The following KCND3 variants were observed in gnomAD, a reference collection of about 807,000 sequenced individuals.
KCND3 encodes the protein A-type voltage-gated potassium channel KCND3.
Under a neutral mutation model 51.1 loss-of-function variants are expected in KCND3, and 9 were observed. The observed-to-expected ratio is 0.18, with a 90% CI of 0.11 to 0.31. The LOEUF (loss-of-function observed/expected upper bound fraction) is 0.31, where lower values mean the gene tolerates loss of function less well. KCND3 is among the 10% of genes least tolerant of loss of function. The pLI, the probability that KCND3 is intolerant of heterozygous loss-of-function variation, is 1.00. For missense variants in KCND3, 526 were observed against 903.8 expected (o/e 0.58, Z 5.36); for synonymous variants, 349 against 368.0 (o/e 0.95, Z 0.59).
intron 2 of KCND3, among the ~76,000 whole-genome samples, chr1:111,793,815 G>A (rs930520087): frequency 6.6e-6 from 1 of 151,986 alleles, no homozygotes; most frequent in East Asian, 1.9e-4. Context: ...AAAAGAAAAA[G>A]CAGAAACAGT....
intron 2 of KCND3, among the ~76,000 whole-genome samples, chr1:111,975,509 C>T (rs1278215022): frequency 6.6e-6 from 1 of 152,170 alleles, no homozygotes; most frequent in East Asian, 1.9e-4. Context: ...TCCACTGCCA[C>T]CACCCTCAGT....
rs1557768261 is a variant in KCND3, at chr1:111,982,294, C to T, written c.433G>A (p.Glu145Lys). 2 of 1,614,118 alleles carry T rather than the reference C, an allele frequency of 1.2e-6. No homozygotes were observed. Among genetic ancestry groups the T allele is most frequent in the South Asian group, 1.1e-5 (1 of 91,072 alleles). ...GAGTCGTTGTCGTCCATGAGCCGCT[C>T]GGCGTTCTCCCTCTTGCGGTCCTTG... The part of the protein sequence containing the change: ...EYKDRKRENA[E>K]RLMDDNDSEN... Residue 145 changes from glutamate (E) to lysine (K), a missense_variant, in exon 2 of 8, where the codon GAG (glutamate) becomes AAG (lysine). Physicochemically the swap from Glu to Lys is moderately conservative, Grantham distance 56. Coordinates refer to ENST00000302127, the MANE Select transcript of KCND3 (RefSeq NM_001378969.1). This position sits in a 1 kb window ranked among gnomAD's most constrained non-coding sequence, Gnocchi z 8.5.
intron 2 of KCND3, among the ~76,000 whole-genome samples, chr1:111,833,204 G>T (rs1194269972): frequency 1.3e-5 from 2 of 152,236 alleles, no homozygotes; most frequent in Non-Finnish European, 2.9e-5. Context: ...GCTCTGCAGA[G>T]GTGTCAAGCA....
chr1:111,896,509 G>T (rs57060111), intron 2 of KCND3, among the ~76,000 whole-genome samples: 4 of 152,192 alleles, frequency 2.6e-5, no homozygotes, highest in African/African-American at 7.2e-5. Flanking sequence ...CAGAAACTAC[G>T]CAGTGCCATC....
At chr1:111,882,041 G>A (rs1228194968) in intron 2 of KCND3, among the ~76,000 whole-genome samples, 2 of 152,170 alleles carry the variant, frequency 1.3e-5, no homozygotes, top group Non-Finnish European at 2.9e-5. Context: ...CCCAGCAGCT[G>A]TAGAGGGAGG....
intron 2 of KCND3, among the ~76,000 whole-genome samples, chr1:111,829,697 C>G (rs1666747869): frequency 6.6e-6 from 1 of 152,270 alleles, no homozygotes; most frequent in Non-Finnish European, 1.5e-5. Context: ...GCCCTCCATT[C>G]TGAAGGTCAG....
intron 2 of KCND3, among the ~76,000 whole-genome samples, chr1:111,906,507 C>G (rs1670655002): frequency 6.6e-6 from 1 of 152,166 alleles, no homozygotes; most frequent in Non-Finnish European, 1.5e-5. Context: ...TATGTGACAC[C>G]TAGAATCACT....
intron 2 of KCND3, among the ~76,000 whole-genome samples, chr1:111,832,395 A>C (rs1382046918): frequency 6.6e-6 from 1 of 152,208 alleles, no homozygotes. Flanking sequence ...AAGTTCCAGA[A>C]AGGTTTCCAG....
chr1:111,879,206 A>C (rs1442315042), intron 2 of KCND3, among the ~76,000 whole-genome samples: 1 of 152,126 alleles, frequency 6.6e-6, no homozygotes. Flanking sequence ...ACTCTGAATA[A>C]TAACTCTCTT....
chr1:111,857,292 G>C (rs1268801053), intron 2 of KCND3, among the ~76,000 whole-genome samples: 1 of 152,204 alleles, frequency 6.6e-6, no homozygotes, highest in Non-Finnish European at 1.5e-5. Flanking sequence ...TGGGCGTGGG[G>C]TCACAGCGCG....
At chr1:111,888,681 CAAAA>C (rs34732548) in intron 2 of KCND3, among the ~76,000 whole-genome samples, 16 of 103,578 alleles carry the variant, frequency 1.5e-4, no homozygotes, top group East Asian at 2.7e-4. Context: ...CACTCCATCT[CAAAA>C]AAAAAAAAAA....
intron 3 of KCND3, among the ~76,000 whole-genome samples, chr1:111,783,902 G>T (rs1664495803): frequency 6.6e-6 from 1 of 152,036 alleles, no homozygotes; most frequent in Non-Finnish European, 1.5e-5. Context: ...ATACCCAAAG[G>T]TTACCTATTG....
chr1:111,936,053 G>A (rs1194211262), intron 2 of KCND3, among the ~76,000 whole-genome samples: 2 of 152,208 alleles, frequency 1.3e-5, no homozygotes, highest in Non-Finnish European at 2.9e-5. Flanking sequence ...GATAAATTGT[G>A]CTTTTTGTAG....
At chr1:111,817,407 AT>A (rs1318750007) in intron 2 of KCND3, among the ~76,000 whole-genome samples, 1 of 152,208 alleles carries the variant, frequency 6.6e-6, no homozygotes, top group Non-Finnish European at 1.5e-5. Flanking sequence ...TGGCCCAATA[AT>A]TTCACCTGAG....
intron 2 of KCND3, among the ~76,000 whole-genome samples, chr1:111,889,762 GGT>G (rs1025932013): frequency 6.6e-6 from 1 of 152,152 alleles, no homozygotes; most frequent in African/African-American, 2.4e-5. Flanking sequence ...GACAAAATGG[GGT>G]AGGGGAACAA....
At chr1:111,792,564 G>A (rs1340825116) in intron 2 of KCND3, among the ~76,000 whole-genome samples, 2 of 152,158 alleles carry the variant, frequency 1.3e-5, no homozygotes, top group Non-Finnish European at 2.9e-5. Flanking sequence ...GTGGTTAAAA[G>A]CGTGGTCTCT....
rs769635941 is a variant in KCND3 at position 111,981,863 on chromosome 1, C to T, written c.864G>A (p.Thr288=). The T allele has an allele frequency of 5.0e-6, 8 of 1,613,956 alleles. No individual in the cohort carries two copies. In the South Asian group the frequency reaches 5.5e-5, roughly 11 times the overall value. The change falls in exon 2 of 8, where the codon ACG becomes ACA. Residue 288 remains threonine, a synonymous_variant. Transcript: ENST00000302127. The surrounding 1 kb of genome is among the most constrained non-coding windows in gnomAD (Gnocchi z 6.2). ...NNEDVSGAFV[T]LRVFRVFRIF... is the part of the protein sequence containing the mutation. ...TCCTGAAGACGCGGAAGACCCGGAG[C>T]GTGACGAAGGCGCCGGACACGTCCT...
At chr1:111,944,319 C>T (rs1372164932) in intron 2 of KCND3, among the ~76,000 whole-genome samples, 1 of 152,230 alleles carries the variant, frequency 6.6e-6, no homozygotes, top group Non-Finnish European at 1.5e-5. Context: ...TACACACCTG[C>T]CATTGTCATT....
intron 2 of KCND3, among the ~76,000 whole-genome samples, chr1:111,837,905 A>G (rs1039340787): frequency 1.3e-5 from 2 of 151,976 alleles, no homozygotes; most frequent in Non-Finnish European, 2.9e-5. Context: ...CCCCAATTGG[A>G]ATTTGTCTGA....
Sources: allele counts gnomAD v4.1 joint callset (sites outside exome capture counted in the v4.1 genomes callset), GRCh38; gene constraint gnomAD v4.1.1; non-coding constraint Gnocchi (gnomAD v3.1); transcripts MANE v1.5; gene names NCBI Gene and HGNC (gene_info 2026-07-23, HGNC 2026-07-21).